Variants in ENTREP2 observed in about 807,000 individuals in gnomAD.
ENTREP2 encodes the protein protein ENTREP2.
At chr15:29,549,929 T>G in the ENTREP2 span, among the ~76,000 whole-genome samples, 1 of 152,032 alleles carries the variant, frequency 6.6e-6, no homozygotes, top group African/African-American at 2.4e-5. Flanking sequence ...TGAGTTGGGG[T>G]GGAGTCAATC....
the ENTREP2 span, among the ~76,000 whole-genome samples, chr15:29,150,762 T>C: frequency 5.2e-4 from 79 of 152,216 alleles, no homozygotes; most frequent in Non-Finnish European, 9.9e-4. Context: ...TAACTGGATG[T>C]TGACTGCCAC....
At chr15:29,506,516 G>A in the ENTREP2 span, among the ~76,000 whole-genome samples, 1 of 152,242 alleles carries the variant, frequency 6.6e-6, no homozygotes, top group South Asian at 2.1e-4. Flanking sequence ...GAGAAAGGTC[G>A]AGTTACCCAC....
chr15:29,572,806 T>C, the ENTREP2 span, among the ~76,000 whole-genome samples: 2 of 151,560 alleles, frequency 1.3e-5, no homozygotes, highest in Non-Finnish European at 2.9e-5. Context: ...TTCAGTGTTA[T>C]GGAGACTACA....
chr15:29,637,672 A>C, the ENTREP2 span, among the ~76,000 whole-genome samples: 1 of 152,324 alleles, frequency 6.6e-6, no homozygotes, highest in Admixed American at 6.5e-5. Flanking sequence ...AGATGGTAAT[A>C]TTCAGGGGCA....
the ENTREP2 span, among the ~76,000 whole-genome samples, chr15:29,340,605 T>C: frequency 6.6e-6 from 1 of 152,226 alleles, no homozygotes; most frequent in South Asian, 2.1e-4. Context: ...GCTAAGCATA[T>C]GTGAAACTGT....
chr15:29,417,030 C>T, the ENTREP2 span, among the ~76,000 whole-genome samples: 1 of 152,310 alleles, frequency 6.6e-6, no homozygotes, highest in African/African-American at 2.4e-5. Context: ...AATAGGAACA[C>T]TCTTTCACTG....
At chr15:29,661,222 ACGGACTCTCAC>A in the ENTREP2 span, among the ~76,000 whole-genome samples, 22 of 152,306 alleles carry the variant, frequency 1.4e-4, no homozygotes, top group African/African-American at 4.6e-4. Context: ...TTCTTTTGAG[ACGGACTCTCAC>A]TCTGTTGCCC....
the ENTREP2 span, among the ~76,000 whole-genome samples, chr15:29,405,290 G>A: frequency 2.6e-5 from 4 of 152,090 alleles, no homozygotes; most frequent in East Asian, 1.9e-4. Flanking sequence ...TCAGGAGGCT[G>A]AGGCAGGTGA....
chr15:29,237,662 C>T, the ENTREP2 span, among the ~76,000 whole-genome samples: 18 of 152,200 alleles, frequency 1.2e-4, 1 homozygote, highest in South Asian at 1.9e-3. Flanking sequence ...AGAAAAGAAA[C>T]GTTGGCAAGG....
At chr15:29,661,929 C>T in the ENTREP2 span, among the ~76,000 whole-genome samples, 13 of 152,126 alleles carry the variant, frequency 8.5e-5, no homozygotes, top group Admixed American at 2.0e-4. Context: ...AAAGAAAATG[C>T]GCCAGGCATG....
the ENTREP2 span, among the ~76,000 whole-genome samples, chr15:29,573,999 AAAG>A: frequency 6.6e-6 from 1 of 152,146 alleles, no homozygotes; most frequent in African/African-American, 2.4e-5. Flanking sequence ...AGTGAATCAT[AAAG>A]AAAGAAAGGA....
chr15:29,393,856 T>C, the ENTREP2 span, among the ~76,000 whole-genome samples: 1 of 152,216 alleles, frequency 6.6e-6, no homozygotes, highest in Non-Finnish European at 1.5e-5. Flanking sequence ...ATTTACTCTT[T>C]TAGCCCCAGC....
the ENTREP2 span, among the ~76,000 whole-genome samples, chr15:29,605,363 G>C: frequency 6.6e-6 from 1 of 152,212 alleles, no homozygotes; most frequent in South Asian, 2.1e-4. Flanking sequence ...TTCCTTGTGT[G>C]TCCTCCCAGG....
At chr15:29,264,979 A>C in the ENTREP2 span, 1 of 151,154 alleles carries the variant, frequency 6.6e-6, no homozygotes, top group Non-Finnish European at 1.5e-5. Context: ...TATATGCCCC[A>C]AAAAACAAAT....
the ENTREP2 span, among the ~76,000 whole-genome samples, chr15:29,180,401 C>T: frequency 6.6e-6 from 1 of 152,216 alleles, no homozygotes. Context: ...CGCACTGGCT[C>T]ACGCCTGTAA....
chr15:29,279,127 C>T, the ENTREP2 span, among the ~76,000 whole-genome samples: 5 of 152,198 alleles, frequency 3.3e-5, no homozygotes, highest in African/African-American at 1.2e-4. Flanking sequence ...TATTTCCACA[C>T]ACAGTAAGTC....
the ENTREP2 span, among the ~76,000 whole-genome samples, chr15:29,142,493 C>T: frequency 6.6e-6 from 1 of 152,226 alleles, no homozygotes; most frequent in Non-Finnish European, 1.5e-5. Context: ...CCAGAGTGCC[C>T]TCTCCAGCAG....
At chr15:29,483,111 T>C in the ENTREP2 span, among the ~76,000 whole-genome samples, 2 of 152,246 alleles carry the variant, frequency 1.3e-5, no homozygotes, top group African/African-American at 4.8e-5. Context: ...AACATCTTCA[T>C]ATGCTTATTT....
the ENTREP2 span, among the ~76,000 whole-genome samples, chr15:29,328,670 T>C: frequency 1.3e-5 from 2 of 152,184 alleles, no homozygotes; most frequent in Admixed American, 1.3e-4. Flanking sequence ...ACTACTCACG[T>C]ATTTTGAAAC....
Sources: allele counts gnomAD v4.1 joint callset (sites outside exome capture counted in the v4.1 genomes callset), GRCh38; gene constraint gnomAD v4.1.1; transcripts MANE v1.5; gene names NCBI Gene and HGNC (gene_info 2026-07-23, HGNC 2026-07-21).